The following PTGER3 variants were observed in gnomAD, a reference collection of about 807,000 sequenced individuals.
PTGER3 encodes the protein prostaglandin E2 receptor EP3 subtype.
Under a neutral mutation model 34.7 loss-of-function variants are expected in PTGER3, and 22 were observed. That is an observed-to-expected ratio of 0.63 (90% CI 0.45 to 0.91). PTGER3 has a LOEUF of 0.91. PTGER3 is among the 40% of genes least tolerant of loss of function. PTGER3 has a pLI of 0.00. For synonymous variants in PTGER3, 241 were observed against 230.1 expected (o/e 1.05, Z -0.43); for missense variants, 468 against 519.4 (o/e 0.90, Z 0.96).
At chr1:71,005,905 G>A in intron 2 of PTGER3, 1 of 857,260 alleles carries the variant, frequency 1.2e-6, no homozygotes. Flanking sequence ...AATCACAATT[G>A]TACATATTCG....
At chr1:70,905,112 T>G (rs183406112) in intron 4 of PTGER3, among the ~76,000 whole-genome samples, 57 of 152,266 alleles carry the variant, frequency 3.7e-4, no homozygotes, top group African/African-American at 1.3e-3. Context: ...CTTAGCAGCT[T>G]CCACATGGTG....
chr1:70,899,636 C>T (rs760919108), intron 4 of PTGER3, among the ~76,000 whole-genome samples: 3 of 151,910 alleles, frequency 2.0e-5, no homozygotes, highest in Admixed American at 2.0e-4. Context: ...TCTTAAGGAG[C>T]TTTTCAAGAG....
At chr1:70,925,608 C>T (rs549885465) in intron 4 of PTGER3, among the ~76,000 whole-genome samples, 11 of 152,226 alleles carry the variant, frequency 7.2e-5, no homozygotes, top group East Asian at 3.9e-4. Context: ...TAATGAACCA[C>T]AGCTTCATGC....
intron 2 of PTGER3, among the ~76,000 whole-genome samples, chr1:70,994,551 G>A (rs1293005168): frequency 6.6e-6 from 1 of 151,680 alleles, no homozygotes; most frequent in Non-Finnish European, 1.5e-5. Context: ...TCCGCCTCCT[G>A]GGTTCAAGTG....
At chr1:70,973,062 TC>T (rs1653259409) in intron 3 of PTGER3, among the ~76,000 whole-genome samples, 1 of 131,902 alleles carries the variant, frequency 7.6e-6, no homozygotes, top group Non-Finnish European at 1.7e-5. Context: ...TCTCTTCGTT[TC>T]CCTTCATTGG....
At chr1:70,921,008 G>T (rs1417336463) in intron 4 of PTGER3, among the ~76,000 whole-genome samples, 1 of 152,142 alleles carries the variant, frequency 6.6e-6, no homozygotes, top group Non-Finnish European at 1.5e-5. Flanking sequence ...TGCTATCACT[G>T]TTAAAATCCT....
At chr1:70,913,560 G>C (rs1385644918) in intron 4 of PTGER3, among the ~76,000 whole-genome samples, 1 of 151,912 alleles carries the variant, frequency 6.6e-6, no homozygotes, top group African/African-American at 2.4e-5. Context: ...CTCATTCTCA[G>C]TCTTGAGAAG....
intron 4 of PTGER3, among the ~76,000 whole-genome samples, chr1:70,889,711 G>C (rs1646575884): frequency 6.6e-6 from 1 of 152,140 alleles, no homozygotes; most frequent in Admixed American, 6.6e-5. Flanking sequence ...ATGATCTATA[G>C]TTTTCTTCTT....
chr1:71,042,246 T>C (rs1439873303), intron 1 of PTGER3, among the ~76,000 whole-genome samples: 1 of 149,680 alleles, frequency 6.7e-6, no homozygotes, highest in African/African-American at 2.5e-5. Context: ...TCATTCCCAT[T>C]GATCTAGTGT....
chr1:70,981,234 G>T (rs1027774820), intron 2 of PTGER3, among the ~76,000 whole-genome samples: 2 of 151,462 alleles, frequency 1.3e-5, no homozygotes, highest in Non-Finnish European at 2.9e-5. Flanking sequence ...CCATACTATT[G>T]TTTCTTTTTC....
intron 2 of PTGER3, among the ~76,000 whole-genome samples, chr1:70,955,384 T>A (rs141122770): frequency 0.013 from 1,916 of 152,294 alleles, 39 homozygotes; most frequent in African/African-American, 0.044. Context: ...TAGATTCTCA[T>A]CATTCTAGAA....
intron 2 of PTGER3, chr1:71,010,664 C>T (rs936776303): frequency 3.0e-6 from 3 of 984,226 alleles, no homozygotes; most frequent in Non-Finnish European, 3.6e-6. Flanking sequence ...ACAGGATAAT[C>T]CAATTCTATG....
intron 4 of PTGER3, among the ~76,000 whole-genome samples, chr1:70,913,832 C>A (rs1647114303): frequency 6.6e-6 from 1 of 151,770 alleles, no homozygotes; most frequent in Non-Finnish European, 1.5e-5. Context: ...TCCACTCAGT[C>A]ATGATTTGTT....
chr1:71,029,632 A>G (rs1025523921), intron 1 of PTGER3, among the ~76,000 whole-genome samples: 2 of 152,122 alleles, frequency 1.3e-5, no homozygotes, highest in Non-Finnish European at 2.9e-5. Flanking sequence ...GGGCACTTAA[A>G]TCAGTTTCTA....
chr1:71,017,669 T>C (rs1479664429), intron 1 of PTGER3, among the ~76,000 whole-genome samples: 3 of 152,146 alleles, frequency 2.0e-5, no homozygotes, highest in Non-Finnish European at 4.4e-5. Flanking sequence ...CTGCTCTCTT[T>C]CCTGCTCCAC....
intron 2 of PTGER3, among the ~76,000 whole-genome samples, chr1:70,955,331 T>C (rs1257735428): frequency 6.6e-6 from 1 of 152,240 alleles, no homozygotes; most frequent in Admixed American, 6.5e-5. Context: ...TTATAGATTA[T>C]AAACTTTTTT....
intron 4 of PTGER3, among the ~76,000 whole-genome samples, chr1:70,899,076 T>A (rs1265680970): frequency 6.6e-6 from 1 of 152,196 alleles, no homozygotes; most frequent in East Asian, 1.9e-4. Flanking sequence ...ATTGGATTTG[T>A]TGCTGAAAGA....
At chr1:70,852,851 A>C (rs1173875121) in exon 5 of PTGER3, 1 of 1,613,548 alleles carries the variant, frequency 6.2e-7, no homozygotes, top group South Asian at 1.1e-5. Flanking sequence ...AATTTCCCCA[A>C]AATTCCTCCT....
intron 4 of PTGER3, among the ~76,000 whole-genome samples, chr1:70,925,888 T>A (rs1209412918): frequency 6.6e-6 from 1 of 152,260 alleles, no homozygotes; most frequent in African/African-American, 2.4e-5. Flanking sequence ...ATATGTTACA[T>A]TCTTTAGTGA....
Sources: allele counts gnomAD v4.1 joint callset (sites outside exome capture counted in the v4.1 genomes callset), GRCh38; gene constraint gnomAD v4.1.1; transcripts MANE v1.5; gene names NCBI Gene and HGNC (gene_info 2026-07-23, HGNC 2026-07-21).